Variants in REXO4 observed in about 807,000 individuals in gnomAD.
REXO4 encodes RNA exonuclease 4, also known as REX4 homolog, 3'-5' exonuclease.
A neutral mutation model predicts 39.9 loss-of-function variants in REXO4; 29 were observed. The observed-to-expected ratio is 0.73, with a 90% CI of 0.54 to 0.99. REXO4 has a LOEUF of 0.99. REXO4 is among the 50% of genes least tolerant of loss of function. REXO4 has a pLI of 0.00. For missense variants in REXO4, 524 were observed against 546.5 expected, an observed-to-expected ratio of 0.96 and a Z score of 0.41; for synonymous variants, 184 against 206.2, an observed-to-expected ratio of 0.89 and a Z score of 0.92.
intron 6 of REXO4, among the ~76,000 whole-genome samples, chr9:133,408,457 TA>T (rs35773096): frequency 0.12 from 15,698 of 133,834 alleles, 964 homozygotes; most frequent in African/African-American, 0.19. Context: ...AGACCCTGTC[TA>T]AAAAAAAAAA....
At position 133,417,609 on chromosome 9, in the gene REXO4, T is replaced by C; in HGVS notation, c.225+11A>G. 6.2e-7 allele frequency: 1 copy of C among 1,612,642 alleles called. No homozygotes were observed. The highest frequency in any genetic ancestry group is 8.5e-7 in the Non-Finnish European group (1 of 1,179,634). ...TGCGCAGCGCTCCGCCCGGGCCCCCTCAAGCCTCACCTCTTGCAGCGCCTT... is the reference window on the plus strand; with the variant it reads ...TGCGCAGCGCTCCGCCCGGGCCCCCCCAAGCCTCACCTCTTGCAGCGCCTT... On this transcript the variant is annotated intron_variant, in intron 1 of 7. Coordinates refer to ENST00000371942, the MANE Select transcript of REXO4 (RefSeq NM_020385.4).
chr9:133,412,649 C>A, intron 3 of REXO4, 129 bp downstream of exon 3: 1 of 1,426,272 alleles, frequency 7.0e-7, no homozygotes, highest in East Asian at 2.3e-5. Context: ...GGTCCTGGTT[C>A]TTAGCAGGAC....
chr9:133,407,018 C>CCCA lies in REXO4; in HGVS notation c.1201_1203dup (p.Trp401dup). The CCCA allele has an allele frequency of 6.2e-7, 1 of 1,613,374 alleles. No homozygotes were observed. On this transcript the variant is annotated inframe_insertion, in exon 8 of 8. Transcript: ENST00000371942. ...GGGCGCCTGTCTCGGGCCATGCTCT[C>CCCA]CCACTCCTTCTTCACCATGACGTAC...
At chr9:133,408,001 C>CCACTGAGAGGCA in intron 6 of REXO4, 120 bp from the exon 7 acceptor site, 1 of 709,802 alleles carries the variant, frequency 1.4e-6, no homozygotes, top group South Asian at 1.7e-5. Context: ...GTTTGCCTCT[C>CCACTGAGAGGCA]AGTGGAGAGG....
At chr9:133,412,266 C>T (rs1554780270) in intron 4 of REXO4, 33 bp downstream of exon 4, 1 of 1,603,570 alleles carries the variant, frequency 6.2e-7, no homozygotes, top group Admixed American at 1.7e-5. Flanking sequence ...TTACTACTTT[C>T]CCTTCTAAGT....
intron 7 of REXO4, 89 bp from the exon 8 acceptor site, chr9:133,407,161 C>T (rs1034265693): frequency 4.4e-6 from 7 of 1,583,898 alleles, no homozygotes; most frequent in Non-Finnish European, 6.0e-6. Flanking sequence ...CCACTAGCCA[C>T]TCTGCTACAG....
chr9:133,418,128 C>G, upstream of REXO4: 3 of 478,040 alleles, frequency 6.3e-6, no homozygotes, highest in South Asian at 8.3e-5. Context: ...GGGACTTGGG[C>G]CGCCGCCTTA....
chr9:133,413,844 A>G (rs1839381833), intron 2 of REXO4, among the ~76,000 whole-genome samples: 1 of 152,202 alleles, frequency 6.6e-6, no homozygotes, highest in Non-Finnish European at 1.5e-5. Context: ...ATAAGCCTCA[A>G]GAGGGAGGAG....
At chr9:133,417,375 A>G (rs1554781855) in intron 1 of REXO4, among the ~76,000 whole-genome samples, 2 of 152,378 alleles carry the variant, frequency 1.3e-5, no homozygotes. Context: ...TTAGTTCATT[A>G]TGCAAAAGGT....
chr9:133,412,820 C>T lies in REXO4; in HGVS notation c.674G>A (p.Gly225Asp), dbSNP rs1839298035. ...IARKQLGQSE[G>D]SVSLSLVKEQ... ...TTTCACGAGGCTGAGGCTGACGCTGCCCTCGCTCTGACCCAACTGTTTCCT... is the reference window on the plus strand; with the variant it reads ...TTTCACGAGGCTGAGGCTGACGCTGTCCTCGCTCTGACCCAACTGTTTCCT... The change falls in exon 3 of 8, where the codon GGC becomes GAC. Residue 225 changes from glycine (G) to aspartate (D), a missense_variant. Physicochemically the swap from Gly to Asp is moderately conservative, Grantham distance 94. Coordinates refer to ENST00000371942, the MANE Select transcript of REXO4 (RefSeq NM_020385.4). 1 of 1,613,762 alleles carries T rather than the reference C, an allele frequency of 6.2e-7. No homozygotes were observed. Among genetic ancestry groups the T allele is most frequent in the South Asian group, 1.1e-5 (1 of 91,090 alleles).
intron 6 of REXO4, among the ~76,000 whole-genome samples, chr9:133,408,450 C>A (rs587650517): frequency 5.4e-5 from 8 of 148,932 alleles, no homozygotes; most frequent in Admixed American, 4.0e-4. Context: ...CAGAGCAAGA[C>A]CCTGTCTAAA....
At chr9:133,415,411 C>CTTT (rs11428403) in intron 1 of REXO4, among the ~76,000 whole-genome samples, 13 of 143,618 alleles carry the variant, frequency 9.1e-5, no homozygotes, top group African/African-American at 2.8e-4. Context: ...ACAGAAATCG[C>CTTT]TTTTTTTTTT....
intron 7 of REXO4, among the ~76,000 whole-genome samples, chr9:133,407,493 C>T (rs2148993): frequency 0.025 from 3,795 of 152,034 alleles, 130 homozygotes; most frequent in African/African-American, 0.086. Flanking sequence ...AGCTGCTCAG[C>T]AGGGCCGGGC....
intron 2 of REXO4, 124 bp downstream of exon 2, chr9:133,414,541 G>A: frequency 1.1e-6 from 1 of 877,512 alleles, no homozygotes; most frequent in Non-Finnish European, 1.9e-6. Context: ...GTAAACAAAG[G>A]AACAGACGAC....
chr9:133,409,301 C>T (rs1419732002), intron 5 of REXO4, among the ~76,000 whole-genome samples: 2 of 152,076 alleles, frequency 1.3e-5, no homozygotes, highest in Non-Finnish European at 2.9e-5. Context: ...CCAAGTGTGT[C>T]ACACACACAT....
At chr9:133,410,505 T>A (rs1839156543) in intron 5 of REXO4, among the ~76,000 whole-genome samples, 1 of 152,174 alleles carries the variant, frequency 6.6e-6, no homozygotes, top group Non-Finnish European at 1.5e-5. Flanking sequence ...GCACTTTCCA[T>A]CTGAAGAACC....
At chr9:133,410,074 T>A (rs1839135395) in intron 5 of REXO4, among the ~76,000 whole-genome samples, 1 of 152,146 alleles carries the variant, frequency 6.6e-6, no homozygotes, top group Non-Finnish European at 1.5e-5. Flanking sequence ...CTCCAGCATC[T>A]TCAATGGATT....
intron 1 of REXO4, among the ~76,000 whole-genome samples, chr9:133,416,449 G>A (rs915661694): frequency 6.6e-6 from 1 of 152,218 alleles, no homozygotes; most frequent in Non-Finnish European, 1.5e-5. Context: ...CTGAGCTCAA[G>A]TGATCCTCCT....
chr9:133,412,450 C>T lies in REXO4; in HGVS notation c.759G>A (p.Val253=), dbSNP rs1554780353. The T allele has an allele frequency of 1.2e-6, 2 of 1,614,124 alleles. No individual in the cohort carries two copies. Among genetic ancestry groups the T allele is most frequent in the African/African-American group, 1.3e-5 (1 of 75,048 alleles). ...CCATGCTCTCCTCCCCCTTAGGGCCCACGCCCACCATCTCACAGTCCAAGG... is the reference window on the plus strand; with the variant it reads ...CCATGCTCTCCTCCCCCTTAGGGCCTACGCCCACCATCTCACAGTCCAAGG... The part of the protein sequence containing the change: ...ALALDCEMVG[V]GPKGEESMAA... The change falls in exon 4 of 8, where the codon GTG becomes GTA. Residue 253 remains valine (V), a synonymous_variant. Transcript: ENST00000371942.
Sources: gnomAD v4.1 joint callset for allele counts (sites outside exome capture counted in the v4.1 genomes callset) on GRCh38, gnomAD v4.1.1 for gene constraint, MANE v1.5 for transcripts, NCBI Gene and HGNC (gene_info 2026-07-23, HGNC 2026-07-21) for gene names.